The following GPATCH2 variants were observed in gnomAD, a reference collection of about 807,000 sequenced individuals.
The protein encoded by GPATCH2 is G patch domain-containing protein 2.
Under a neutral mutation model 58.0 loss-of-function variants are expected in GPATCH2, and 51 were observed. The ratio of observed to expected loss-of-function variants is 0.88; its 90% CI spans 0.70 to 1.11. The LOEUF (loss-of-function observed/expected upper bound fraction) is 1.11. GPATCH2 is among the 50% of genes most tolerant of loss of function. The pLI, the probability that GPATCH2 is intolerant of heterozygous loss-of-function variation, is 0.00. For missense variants in GPATCH2, 625 were observed against 652.2 expected, an observed-to-expected ratio of 0.96 and a Z score of 0.45; for synonymous variants, 222 against 218.5, an observed-to-expected ratio of 1.02 and a Z score of -0.14.
rs147031165 is a variant in GPATCH2, at chr1:217,467,734, C to T, written c.1278-18397G>A. On this transcript the variant is annotated intron_variant, in intron 8 of 9. Transcript: ENST00000366935. ...ATCCTAACTCATTTATCTGAAAAGG[C>T]CTAGAAACACAGACATTCCTAACAT... Among the ~76,000 whole-genome samples, 65 of 152,162 alleles carry T rather than the reference C, an allele frequency of 4.3e-4. No homozygotes were observed. In the East Asian group the frequency reaches 0.011, roughly 25 times the overall value.
Position 217,601,161 on chromosome 1 carries a change from A to G in GPATCH2, c.1098+9160T>C, listed in dbSNP as rs1336555830. ...AGAAGAGTAAACTGGTAACCTCTGTAGCGAAGTTCTTACATATTAAATTTC... is the reference window on the plus strand; with the variant it reads ...AGAAGAGTAAACTGGTAACCTCTGTGGCGAAGTTCTTACATATTAAATTTC... On this transcript the variant is annotated intron_variant, in intron 5 of 9. Transcript: ENST00000366935. 2.0e-5 allele frequency among the ~76,000 whole-genome samples: 3 copies of G among 152,172 alleles called. 1 individual carries two copies. The highest frequency in any genetic ancestry group is 4.4e-5 in the Non-Finnish European group (3 of 68,004).
At chr1:217,517,290 T>C (rs1337188039) in intron 5 of GPATCH2, among the ~76,000 whole-genome samples, 2 of 152,126 alleles carry the variant, frequency 1.3e-5, no homozygotes, top group Admixed American at 6.6e-5. Flanking sequence ...ATATGCAAAA[T>C]AGGCATAATT....
chr1:217,552,948 G>T (rs1174213012), intron 5 of GPATCH2, among the ~76,000 whole-genome samples: 1 of 152,202 alleles, frequency 6.6e-6, no homozygotes, highest in East Asian at 1.9e-4. Context: ...ATCATCTCAG[G>T]AGTGTGAATT....
chr1:217,433,386 T>TATATATATA (rs1558388568), intron 9 of GPATCH2, among the ~76,000 whole-genome samples: 247 of 28,758 alleles, frequency 8.6e-3, no homozygotes, highest in African/African-American at 0.018. Context: ...ATATATATAT[T>TATATATATA]TATTTATTTA....
At chr1:217,574,966 C>A (rs763184981) in intron 5 of GPATCH2, among the ~76,000 whole-genome samples, 32 of 152,244 alleles carry the variant, frequency 2.1e-4, no homozygotes, top group Non-Finnish European at 4.1e-4. Flanking sequence ...CTTTTAATTC[C>A]TGATAAATCC....
At chr1:217,510,594 G>A (rs191938179) in intron 6 of GPATCH2, among the ~76,000 whole-genome samples, 2 of 151,932 alleles carry the variant, frequency 1.3e-5, no homozygotes, top group African/African-American at 2.4e-5. Context: ...TGATGAGTAC[G>A]TCTTTTAGTG....
At chr1:217,536,033 C>T (rs142360625) in intron 5 of GPATCH2, among the ~76,000 whole-genome samples, 22 of 152,266 alleles carry the variant, frequency 1.4e-4, no homozygotes, top group African/African-American at 4.8e-4. Context: ...AAATTAGCAT[C>T]TTTTCCTAAA....
At chr1:217,445,653 AT>A (rs1323663925) in intron 9 of GPATCH2, among the ~76,000 whole-genome samples, 1 of 152,152 alleles carries the variant, frequency 6.6e-6, no homozygotes, top group Non-Finnish European at 1.5e-5. Context: ...CATTAAAAAA[AT>A]CAATATCTAA....
intron 9 of GPATCH2, among the ~76,000 whole-genome samples, chr1:217,445,852 A>T (rs181956094): frequency 1.3e-5 from 2 of 152,236 alleles, no homozygotes; most frequent in East Asian, 3.9e-4. Flanking sequence ...TTGCTAAAAG[A>T]GGGTGAGAAA....
intron 6 of GPATCH2, among the ~76,000 whole-genome samples, chr1:217,508,196 T>C (rs1662655713): frequency 6.6e-6 from 1 of 152,156 alleles, no homozygotes; most frequent in Admixed American, 6.5e-5. Flanking sequence ...TCTGTATTTC[T>C]TATTTATCTC....
At chr1:217,485,742 C>T (rs947022935) in intron 8 of GPATCH2, among the ~76,000 whole-genome samples, 10 of 152,100 alleles carry the variant, frequency 6.6e-5, no homozygotes, top group Non-Finnish European at 8.8e-5. Context: ...AGGGTACAAA[C>T]CTGTACTGAA....
intron 8 of GPATCH2, among the ~76,000 whole-genome samples, chr1:217,468,193 T>C (rs1340642539): frequency 1.3e-5 from 2 of 152,152 alleles, no homozygotes; most frequent in Admixed American, 6.5e-5. Flanking sequence ...TTAAAAGAAT[T>C]AACACAGCAC....
intron 8 of GPATCH2, among the ~76,000 whole-genome samples, chr1:217,481,916 A>C (rs1384691010): frequency 6.6e-6 from 1 of 152,176 alleles, no homozygotes; most frequent in Non-Finnish European, 1.5e-5. Flanking sequence ...TGCTTAGGAA[A>C]CATACAGGAA....
At chr1:217,452,058 T>C (rs1337321230) in intron 8 of GPATCH2, among the ~76,000 whole-genome samples, 1 of 152,146 alleles carries the variant, frequency 6.6e-6, no homozygotes, top group Non-Finnish European at 1.5e-5. Flanking sequence ...CATGGGGCCA[T>C]ACATGCCACC....
At chr1:217,569,466 G>GGGCAGATCAGCTGAGGTC (rs1666429036) in intron 5 of GPATCH2, among the ~76,000 whole-genome samples, 1 of 152,028 alleles carries the variant, frequency 6.6e-6, no homozygotes, top group South Asian at 2.1e-4. Flanking sequence ...AGGCTGAGGC[G>GGGCAGATCAGCTGAGGTC]GGCAGATCAG....
At chr1:217,594,488 T>C (rs1360960898) in intron 5 of GPATCH2, among the ~76,000 whole-genome samples, 1 of 152,114 alleles carries the variant, frequency 6.6e-6, no homozygotes, top group Non-Finnish European at 1.5e-5. Context: ...ACACTGTAAC[T>C]TCATGTGGTA....
chr1:217,585,627 A>G (rs1181227759), intron 5 of GPATCH2, among the ~76,000 whole-genome samples: 1 of 152,198 alleles, frequency 6.6e-6, no homozygotes, highest in Non-Finnish European at 1.5e-5. Context: ...TCAAAAAATA[A>G]TAACAATATA....
chr1:217,474,538 T>C (rs539284656), intron 8 of GPATCH2, among the ~76,000 whole-genome samples: 2 of 152,234 alleles, frequency 1.3e-5, no homozygotes, highest in Non-Finnish European at 2.9e-5. Context: ...AATCCCTTTT[T>C]ACAGAGGTCC....
intron 8 of GPATCH2, among the ~76,000 whole-genome samples, chr1:217,481,814 CTG>C (rs1452611573): frequency 4.6e-5 from 7 of 152,218 alleles, no homozygotes; most frequent in African/African-American, 7.2e-5. Context: ...TGAGCTATGA[CTG>C]TACCACTGCA....
Sources: gnomAD v4.1 joint callset for allele counts (sites outside exome capture counted in the v4.1 genomes callset) on GRCh38, gnomAD v4.1.1 for gene constraint, MANE v1.5 for transcripts, NCBI Gene and HGNC (gene_info 2026-07-23, HGNC 2026-07-21) for gene names.